The following LTBP1 variants were observed in gnomAD, a reference collection of about 807,000 sequenced individuals.
LTBP1 encodes latent-transforming growth factor beta-binding protein 1.
Under a neutral mutation model 207.6 loss-of-function variants are expected in LTBP1, and 129 were observed. The observed-to-expected ratio is 0.62, with a 90% CI of 0.54 to 0.72. LTBP1 has a LOEUF of 0.72. Among genes scored for constraint, LTBP1 ranks in the 30% least tolerant of loss-of-function variants. The pLI, the probability that LTBP1 is intolerant of heterozygous loss-of-function variation, is 0.00. For synonymous variants in LTBP1, 963 were observed against 833.7 expected (o/e 1.16, Z -2.67); for missense variants, 2,281 against 2,217.2 (o/e 1.03, Z -0.58).
intron 31 of LTBP1, among the ~76,000 whole-genome samples, chr2:33,378,244 G>A (rs1310536257): frequency 6.7e-6 from 1 of 148,530 alleles, no homozygotes; most frequent in African/African-American, 2.5e-5. Flanking sequence ...GTTTGTTTTG[G>A]AGACAGAGTC....
At chr2:33,242,670 A>C (rs2092372779) in intron 9 of LTBP1, among the ~76,000 whole-genome samples, 2 of 137,244 alleles carry the variant, frequency 1.5e-5, no homozygotes, top group Non-Finnish European at 1.5e-5. Flanking sequence ...AGCACCATGC[A>C]TTTTCAGTTG....
At chr2:33,038,524 G>A (rs1015529179) in intron 3 of LTBP1, among the ~76,000 whole-genome samples, 1 of 152,184 alleles carries the variant, frequency 6.6e-6, no homozygotes, top group African/African-American at 2.4e-5. Context: ...TTCCTGGCCT[G>A]TGAAGATTTC....
intron 15 of LTBP1, among the ~76,000 whole-genome samples, chr2:33,272,063 CTT>C (rs1438495766): frequency 6.6e-6 from 1 of 152,156 alleles, no homozygotes; most frequent in Admixed American, 6.5e-5. Context: ...ATCCAGGTGA[CTT>C]TGTGTAAAAT....
At chr2:33,378,540 C>A (rs1276187061) in intron 31 of LTBP1, among the ~76,000 whole-genome samples, 3 of 152,290 alleles carry the variant, frequency 2.0e-5, no homozygotes, top group African/African-American at 7.2e-5. Context: ...CATACTTTCA[C>A]ATCTTTTAAA....
At chr2:33,088,732 T>A (rs1244063802) in intron 3 of LTBP1, among the ~76,000 whole-genome samples, 1 of 152,214 alleles carries the variant, frequency 6.6e-6, no homozygotes, top group African/African-American at 2.4e-5. Flanking sequence ...TGAATGTAGA[T>A]CTTTATTAGT....
At chr2:33,288,964 T>G (rs1420505428) in intron 19 of LTBP1, among the ~76,000 whole-genome samples, 2 of 152,152 alleles carry the variant, frequency 1.3e-5, no homozygotes, top group Non-Finnish European at 2.9e-5. Context: ...ATTCAAATGA[T>G]GAGATGAAAC....
chr2:33,080,037 G>GT (rs1242706388), intron 3 of LTBP1, among the ~76,000 whole-genome samples: 3 of 151,872 alleles, frequency 2.0e-5, no homozygotes, highest in Admixed American at 1.3e-4. Flanking sequence ...GTTTTGTTTT[G>GT]TTTTTTTGAG....
chr2:33,324,443 G>C (rs756831435), intron 24 of LTBP1, among the ~76,000 whole-genome samples: 2 of 151,858 alleles, frequency 1.3e-5, no homozygotes, highest in Non-Finnish European at 2.9e-5. Context: ...ATATGGTTCA[G>C]TACTATTTGT....
At chr2:33,186,498 AG>A (rs10708567) in intron 5 of LTBP1, among the ~76,000 whole-genome samples, 11,733 of 152,208 alleles carry the variant, frequency 0.077, 956 homozygotes, top group African/African-American at 0.21. Context: ...CTAGGGAGTC[AG>A]TTAATGAAAT....
intron 24 of LTBP1, among the ~76,000 whole-genome samples, chr2:33,315,516 G>A (rs1474164520): frequency 6.6e-6 from 1 of 152,230 alleles, no homozygotes; most frequent in African/African-American, 2.4e-5. Context: ...CTGAATTAAT[G>A]AGTGGAAATG....
chr2:33,064,114 A>G (rs1251974688), intron 3 of LTBP1, among the ~76,000 whole-genome samples: 1 of 152,170 alleles, frequency 6.6e-6, no homozygotes, highest in African/African-American at 2.4e-5. Flanking sequence ...TGGCCTCCCA[A>G]AGTGCTAGGA....
At chr2:33,388,384 C>G (rs900388374) in intron 31 of LTBP1, among the ~76,000 whole-genome samples, 1 of 152,222 alleles carries the variant, frequency 6.6e-6, no homozygotes, top group African/African-American at 2.4e-5. Flanking sequence ...AATGTGAAAA[C>G]TGTACACTCT....
intron 2 of LTBP1, among the ~76,000 whole-genome samples, chr2:33,009,991 C>G (rs1687453511): frequency 6.6e-6 from 1 of 152,090 alleles, no homozygotes; most frequent in Non-Finnish European, 1.5e-5. Context: ...ATCAAGGAGG[C>G]CCTGGGAAAT....
At chr2:33,310,092 C>T (rs1002310634) in intron 23 of LTBP1, among the ~76,000 whole-genome samples, 7 of 151,892 alleles carry the variant, frequency 4.6e-5, no homozygotes, top group African/African-American at 1.7e-4. Context: ...GGATTACAGG[C>T]GCCTGCCACC....
intron 2 of LTBP1, among the ~76,000 whole-genome samples, chr2:32,965,003 G>A (rs1342843258): frequency 6.6e-6 from 1 of 152,090 alleles, no homozygotes; most frequent in Non-Finnish European, 1.5e-5. Context: ...TCGCGCCATT[G>A]CACTCCAGCC....
intron 24 of LTBP1, among the ~76,000 whole-genome samples, chr2:33,339,183 T>C (rs1387376569): frequency 6.6e-6 from 1 of 151,830 alleles, no homozygotes; most frequent in Admixed American, 6.6e-5. Flanking sequence ...CTGGCTTGGG[T>C]GACAGATTGG....
In LTBP1 at chr2:33,389,243, G is replaced by A. The variant is rs2095294501; in HGVS notation, c.4771G>A (p.Asp1591Asn). ...GGGACGCCGGCAGCCATATGGACGG[G>A]ACGCCTTGGTTGACTTCAGTGAACA... The part of the protein sequence containing the change: ...VTGRRQPYGR[D>N]ALVDFSEQYT... Residue 1591 changes from aspartate to asparagine, a missense_variant, in exon 32 of 34, where the codon GAC (aspartate) becomes AAC (asparagine). Transcript: ENST00000404816. 1 of 1,614,076 alleles carries A rather than the reference G, an allele frequency of 6.2e-7. No individual in the cohort carries two copies. Among genetic ancestry groups the A allele is most frequent in the African/African-American group, 1.3e-5 (1 of 74,928 alleles).
At chr2:33,066,931 C>T (rs544602684) in intron 3 of LTBP1, among the ~76,000 whole-genome samples, 1 of 152,136 alleles carries the variant, frequency 6.6e-6, no homozygotes, top group Admixed American at 6.6e-5. Flanking sequence ...CTTTGGGAGG[C>T]TGAGATGAGA....
At chr2:33,195,752 A>C (rs1196569881) in intron 7 of LTBP1, among the ~76,000 whole-genome samples, 1 of 152,266 alleles carries the variant, frequency 6.6e-6, no homozygotes, top group African/African-American at 2.4e-5. Context: ...AAGCAGTTCT[A>C]GCATGGGTCA....
Sources: gnomAD v4.1 joint callset for allele counts (sites outside exome capture counted in the v4.1 genomes callset) on GRCh38, gnomAD v4.1.1 for gene constraint, MANE v1.5 for transcripts, NCBI Gene and HGNC (gene_info 2026-07-23, HGNC 2026-07-21) for gene names.